The following STK33 variants were observed in gnomAD, a reference collection of about 807,000 sequenced individuals.
STK33 encodes the protein serine/threonine-protein kinase 33.
A neutral mutation model predicts 58.0 loss-of-function variants in STK33; 52 were observed. The ratio of observed to expected loss-of-function variants is 0.90; its 90% CI spans 0.72 to 1.13. The LOEUF (loss-of-function observed/expected upper bound fraction) is 1.13, where lower values mean the gene tolerates loss of function less well. STK33 is among the 50% of genes most tolerant of loss of function. The pLI, the probability that STK33 is intolerant of heterozygous loss-of-function variation, is 0.00. For synonymous variants in STK33, 215 were observed against 200.1 expected (o/e 1.07, Z -0.63); for missense variants, 630 against 604.2 (o/e 1.04, Z -0.45).
the STK33 span, among the ~76,000 whole-genome samples, chr11:8,352,665 G>A: frequency 1.3e-5 from 2 of 152,218 alleles, no homozygotes; most frequent in Non-Finnish European, 2.9e-5. Context: ...CTGTAAAACT[G>A]CCTCAGTAAT....
chr11:8,392,198 G>A lies in STK33; in HGVS notation c.*312C>T, dbSNP rs2134854595. On this transcript the variant is annotated 3_prime_UTR_variant, in exon 16 of 16. Coordinates refer to ENST00000687296, the MANE Select transcript of STK33 (RefSeq NM_001352389.2). Reference sequence around the variant, plus strand: ...AAACATAAGAATTTGAAGTAAAAATGAGCAAGTGTGCCCACAGCCTTAAAT... The same window carrying A: ...AAACATAAGAATTTGAAGTAAAAATAAGCAAGTGTGCCCACAGCCTTAAAT... 6.2e-6 allele frequency: 2 copies of A among 323,350 alleles called. No individual in the cohort carries two copies. The highest frequency in any genetic ancestry group is 1.3e-4 in the South Asian group (2 of 14,938). 20.0% of individuals were successfully genotyped at this position (323,350 alleles called of 1,614,324 possible).
At chr11:8,467,121 G>A (rs1948279869) in intron 6 of STK33, 1 of 152,218 alleles carries the variant, frequency 6.6e-6, no homozygotes, top group African/African-American at 2.4e-5. Flanking sequence ...CCTCTGACAT[G>A]CCCTGGAGAC....
rs144347805 is a variant in STK33, at chr11:8,504,846, T to C, written c.-465-24232A>G. Reference sequence around the variant, plus strand: ...TTATATAAACTTATAATAAATGATATAGGAACAAAAGTAATAAATACTCAA... The same window carrying C: ...TTATATAAACTTATAATAAATGATACAGGAACAAAAGTAATAAATACTCAA... On this transcript the variant is annotated intron_variant, in intron 1 of 15. Coordinates refer to ENST00000687296, the MANE Select transcript of STK33 (RefSeq NM_001352389.2). Among the ~76,000 whole-genome samples, 72 of 152,210 alleles carry C rather than the reference T, an allele frequency of 4.7e-4. 1 individual carries two copies. In the East Asian group the frequency reaches 0.011, roughly 24 times the overall value.
At chr11:8,431,835 C>T (rs568843283) in intron 14 of STK33, among the ~76,000 whole-genome samples, 6 of 152,178 alleles carry the variant, frequency 3.9e-5, no homozygotes, top group African/African-American at 1.4e-4. Context: ...AATTTTCTTT[C>T]CTTTTCTGGT....
At position 8,564,212 on chromosome 11, in the gene STK33, T is replaced by C. The variant is rs141061863; in HGVS notation, c.-466+29871A>G. Among the ~76,000 whole-genome samples the C allele has an allele frequency of 2.0e-3, 297 of 152,296 alleles. 2 individuals are homozygous for C. Among genetic ancestry groups the C allele is most frequent in the African/African-American group, 7.0e-3 (290 of 41,556 alleles). On this transcript the variant is annotated intron_variant, in intron 1 of 15. Transcript: ENST00000687296. ...ATGCTAACAGGTGGAAGTAAGTATA[T>C]AGATTTGGTTGTAGGGAATTTAGGA...
At chr11:8,478,557 A>G (rs1949497173) in intron 2 of STK33, among the ~76,000 whole-genome samples, 1 of 152,194 alleles carries the variant, frequency 6.6e-6, no homozygotes, top group Non-Finnish European at 1.5e-5. Context: ...GGTCTTTTAC[A>G]TATTGGCCCT....
chr11:8,453,513 A>C (rs1946523865), intron 10 of STK33, among the ~76,000 whole-genome samples: 2 of 152,228 alleles, frequency 1.3e-5, no homozygotes, highest in African/African-American at 4.8e-5. Context: ...ACAGGAAAAA[A>C]ACCACAACAA....
intron 1 of STK33, among the ~76,000 whole-genome samples, chr11:8,585,112 G>A (rs1026219187): frequency 3.3e-5 from 5 of 151,612 alleles, no homozygotes; most frequent in Non-Finnish European, 7.4e-5. Flanking sequence ...TATTAGGGAC[G>A]AGGTTTCACC....
At chr11:8,432,474 ACCAC>A (rs1162598177) in intron 14 of STK33, among the ~76,000 whole-genome samples, 1 of 152,202 alleles carries the variant, frequency 6.6e-6, no homozygotes, top group Non-Finnish European at 1.5e-5. Context: ...CTTCCATCTA[ACCAC>A]TGACTTTTTA....
chr11:8,388,997 A>G (rs890262956), downstream of STK33, among the ~76,000 whole-genome samples: 5 of 144,954 alleles, frequency 3.4e-5, no homozygotes, highest in African/African-American at 1.2e-4. Context: ...AGCCAGAGAC[A>G]AAACTACCTT....
chr11:8,356,701 C>A, the STK33 span, among the ~76,000 whole-genome samples: 1 of 152,180 alleles, frequency 6.6e-6, no homozygotes, highest in Non-Finnish European at 1.5e-5. Flanking sequence ...CCTGCCAATT[C>A]CGGCTGGGGC....
intron 1 of STK33, among the ~76,000 whole-genome samples, chr11:8,572,430 A>G (rs1262325377): frequency 1.3e-5 from 2 of 152,212 alleles, no homozygotes; most frequent in African/African-American, 4.8e-5. Context: ...AATGTCTTGC[A>G]ACCAGTTAAA....
intron 1 of STK33, among the ~76,000 whole-genome samples, chr11:8,514,470 C>A (rs1041828716): frequency 6.6e-6 from 1 of 152,080 alleles, no homozygotes; most frequent in African/African-American, 2.4e-5. Flanking sequence ...CTTGCCAATT[C>A]CTGAGGAAAC....
the STK33 span, among the ~76,000 whole-genome samples, chr11:8,353,224 C>A: frequency 6.6e-6 from 1 of 152,326 alleles, no homozygotes; most frequent in Non-Finnish European, 1.5e-5. Context: ...AGGGCTCACA[C>A]CCTTCCTGGG....
rs561596106 is a variant in STK33 at position 8,535,899 on chromosome 11, A to G, written c.-465-55285T>C. On this transcript the variant is annotated intron_variant, in intron 1 of 15. Transcript: ENST00000687296. ...GGTATATATATACTAGAATACTGGAATGGAATACTCTTTGGCCATAAAAAA... is the reference window on the plus strand; with the variant it reads ...GGTATATATATACTAGAATACTGGAGTGGAATACTCTTTGGCCATAAAAAA... Among the ~76,000 whole-genome samples the G allele has an allele frequency of 1.7e-4, 26 of 152,334 alleles. No homozygotes were observed. The East Asian group carries it at 1.7e-3, about 10-fold the overall frequency.
At chr11:8,450,580 AT>A (rs1946151576) in intron 11 of STK33, among the ~76,000 whole-genome samples, 1 of 151,996 alleles carries the variant, frequency 6.6e-6, no homozygotes, top group African/African-American at 2.4e-5. Context: ...CATGATCATA[AT>A]AAAAAAAGTT....
At chr11:8,563,748 A>C (rs1046584125) in intron 1 of STK33, among the ~76,000 whole-genome samples, 20 of 152,190 alleles carry the variant, frequency 1.3e-4, no homozygotes, top group African/African-American at 4.6e-4. Flanking sequence ...AAATAATGTC[A>C]CTAACTTAAT....
At chr11:8,431,607 G>C (rs1240932490) in intron 14 of STK33, among the ~76,000 whole-genome samples, 2 of 152,156 alleles carry the variant, frequency 1.3e-5, no homozygotes, top group Middle Eastern at 3.2e-3. Context: ...TCTAGTACCT[G>C]ATGGATTAAA....
chr11:8,484,473 G>C (rs931443146), intron 1 of STK33, among the ~76,000 whole-genome samples: 2 of 152,162 alleles, frequency 1.3e-5, no homozygotes, highest in African/African-American at 4.8e-5. Context: ...CCCTACGGGA[G>C]CTTGCTCTAG....
Sources: gnomAD v4.1 joint callset for allele counts (sites outside exome capture counted in the v4.1 genomes callset) on GRCh38, gnomAD v4.1.1 for gene constraint, MANE v1.5 for transcripts, NCBI Gene and HGNC (gene_info 2026-07-23, HGNC 2026-07-21) for gene names.